LY86: variants seen among roughly 807,000 people sequenced by gnomAD.
The protein encoded by LY86 is lymphocyte antigen 86.
In LY86, 20 loss-of-function variants were observed where a neutral mutation model predicts 17.3. The observed-to-expected ratio is 1.15, with a 90% CI of 0.81 to 1.68. LY86 has a LOEUF of 1.68. Among genes scored for constraint, LY86 ranks in the 40% most tolerant of loss-of-function variants. The pLI is 0.00. For missense variants in LY86, 200 were observed against 191.9 expected (o/e 1.04, Z -0.25); for synonymous variants, 74 against 70.6 (o/e 1.05, Z -0.24).
chr6:6,646,645 T>A (rs1278611285), intron 3 of LY86, among the ~76,000 whole-genome samples: 4 of 152,196 alleles, frequency 2.6e-5, no homozygotes, highest in Non-Finnish European at 4.4e-5. Context: ...ACTGCAATAA[T>A]AGAAACTCCA....
At chr6:6,592,683 A>G (rs991717278) in intron 1 of LY86, among the ~76,000 whole-genome samples, 1 of 152,128 alleles carries the variant, frequency 6.6e-6, no homozygotes, top group Admixed American at 6.5e-5. Context: ...TTAATATCTT[A>G]AAAGAAGAGG....
At chr6:6,613,267 C>T (rs533878993) in intron 1 of LY86, among the ~76,000 whole-genome samples, 7 of 152,272 alleles carry the variant, frequency 4.6e-5, no homozygotes, top group South Asian at 2.1e-4. Flanking sequence ...AATCCCGCGC[C>T]GTGCGCCCGC....
At chr6:6,639,858 C>T (rs569229160) in intron 3 of LY86, among the ~76,000 whole-genome samples, 19 of 152,166 alleles carry the variant, frequency 1.2e-4, no homozygotes, top group Non-Finnish European at 1.8e-4. Flanking sequence ...ACCAGCATGC[C>T]TTGCTGAACT....
At chr6:6,615,948 AAAG>A (rs1224349502) in intron 1 of LY86, among the ~76,000 whole-genome samples, 2 of 152,350 alleles carry the variant, frequency 1.3e-5, no homozygotes, top group South Asian at 4.1e-4. Context: ...AAAATGTTAA[AAAG>A]AAGTTGGTTT....
intron 1 of LY86, among the ~76,000 whole-genome samples, chr6:6,598,468 G>C (rs901231466): frequency 6.6e-6 from 1 of 152,088 alleles, no homozygotes; most frequent in Non-Finnish European, 1.5e-5. Context: ...AAAGATAAAG[G>C]CTATCTCTTC....
At chr6:6,636,604 C>G (rs1394865101) in intron 3 of LY86, among the ~76,000 whole-genome samples, 1 of 152,190 alleles carries the variant, frequency 6.6e-6, no homozygotes, top group Non-Finnish European at 1.5e-5. Flanking sequence ...TGCCTTTGGT[C>G]TAAGCCTGCA....
chr6:6,638,398 A>G (rs1301149215), intron 3 of LY86, among the ~76,000 whole-genome samples: 1 of 152,212 alleles, frequency 6.6e-6, no homozygotes, highest in African/African-American at 2.4e-5. Context: ...GGTTCACATT[A>G]TATTTCTCTT....
At chr6:6,638,884 C>T (rs559101342) in intron 3 of LY86, among the ~76,000 whole-genome samples, 1 of 146,104 alleles carries the variant, frequency 6.8e-6, no homozygotes, top group Non-Finnish European at 1.5e-5. Context: ...GTTCAATTCC[C>T]ACCTATGAAT....
chr6:6,596,125 T>C (rs1760704440), intron 1 of LY86, among the ~76,000 whole-genome samples: 1 of 152,214 alleles, frequency 6.6e-6, no homozygotes, highest in Non-Finnish European at 1.5e-5. Context: ...TTACAAAGCC[T>C]GCATCAAGTC....
intron 1 of LY86, among the ~76,000 whole-genome samples, chr6:6,621,994 C>A (rs983373941): frequency 2.6e-5 from 4 of 151,822 alleles, no homozygotes; most frequent in African/African-American, 9.7e-5. Flanking sequence ...GTCACTTTCC[C>A]CAAGAGGACC....
At chr6:6,616,176 C>T (rs1413460623) in intron 1 of LY86, among the ~76,000 whole-genome samples, 2 of 152,218 alleles carry the variant, frequency 1.3e-5, no homozygotes, top group East Asian at 3.8e-4. Flanking sequence ...AGCACCTTCG[C>T]AGAGTGACAG....
chr6:6,635,808 G>A (rs1435184376), intron 3 of LY86, among the ~76,000 whole-genome samples: 1 of 152,214 alleles, frequency 6.6e-6, no homozygotes, highest in Non-Finnish European at 1.5e-5. Context: ...TAGAGCCATG[G>A]AGGGAGTGCT....
chr6:6,623,011 G>A (rs565076140), intron 1 of LY86, among the ~76,000 whole-genome samples: 3 of 152,258 alleles, frequency 2.0e-5, no homozygotes, highest in Non-Finnish European at 4.4e-5. Flanking sequence ...CAACATCTCC[G>A]AGTCTATATT....
chr6:6,629,163 T>C (rs1761859283), intron 3 of LY86, among the ~76,000 whole-genome samples: 1 of 152,230 alleles, frequency 6.6e-6, no homozygotes, highest in Admixed American at 6.5e-5. Flanking sequence ...ATAGGCAAGC[T>C]GAGAAGCTGG....
At chr6:6,618,814 T>A (rs1372872000) in intron 1 of LY86, among the ~76,000 whole-genome samples, 1 of 152,202 alleles carries the variant, frequency 6.6e-6, no homozygotes, top group Non-Finnish European at 1.5e-5. Context: ...GGAGCCTTGC[T>A]GTGCTACAGT....
At chr6:6,592,705 T>G (rs4960216) in intron 1 of LY86, among the ~76,000 whole-genome samples, 1 of 151,850 alleles carries the variant, frequency 6.6e-6, no homozygotes, top group Admixed American at 6.6e-5. Context: ...CAGAGATCTC[T>G]TTTCACCACA....
At chr6:6,603,619 C>CAAA (rs758614233) in intron 1 of LY86, among the ~76,000 whole-genome samples, 3 of 117,670 alleles carry the variant, frequency 2.5e-5, no homozygotes, top group East Asian at 2.5e-4. Context: ...AAAAAACAAA[C>CAAA]AAAAAAAAAC....
intron 3 of LY86, among the ~76,000 whole-genome samples, chr6:6,630,881 G>T (rs1761887728): frequency 6.6e-6 from 1 of 152,276 alleles, no homozygotes; most frequent in East Asian, 1.9e-4. Context: ...CTTAGAAAAA[G>T]AATGTAAAAT....
intron 1 of LY86, among the ~76,000 whole-genome samples, chr6:6,603,171 C>A (rs1488316054): frequency 6.6e-6 from 1 of 152,080 alleles, no homozygotes; most frequent in Non-Finnish European, 1.5e-5. Context: ...GGGTGCTGCC[C>A]TCATGACCTG....
Sources: gnomAD v4.1 joint callset for allele counts (sites outside exome capture counted in the v4.1 genomes callset) on GRCh38, gnomAD v4.1.1 for gene constraint, MANE v1.5 for transcripts, NCBI Gene and HGNC (gene_info 2026-07-23, HGNC 2026-07-21) for gene names.